Variants in FANCI observed in about 807,000 individuals in gnomAD.
FANCI encodes the protein Fanconi anemia group I protein.
FANCI carries 156 observed loss-of-function variants against 176.1 expected under a neutral mutation model. The observed-to-expected ratio is 0.89, with a 90% CI of 0.78 to 1.01. The LOEUF is 1.01. Among genes scored for constraint, FANCI ranks in the 50% least tolerant of loss-of-function variants. FANCI has a pLI of 0.00. For missense variants in FANCI, 1,678 were observed against 1,534.1 expected, an observed-to-expected ratio of 1.09 and a Z score of -1.57; for synonymous variants, 613 against 541.7, an observed-to-expected ratio of 1.13 and a Z score of -1.83.
chr15:89,270,139 TTTAAAAC>T (rs1394283207), intron 10 of FANCI, among the ~76,000 whole-genome samples: 1 of 152,136 alleles, frequency 6.6e-6, no homozygotes, highest in Non-Finnish European at 1.5e-5. Flanking sequence ...CCCCCAACCA[TTTAAAAC>T]CATAAAAACC....
intron 4 of FANCI, among the ~76,000 whole-genome samples, chr15:89,261,142 A>G (rs1345073587): frequency 6.6e-6 from 1 of 152,050 alleles, no homozygotes; most frequent in African/African-American, 2.4e-5. Context: ...CTCGTGGCGC[A>G]TGTCAGTGGT....
intron 18 of FANCI, among the ~76,000 whole-genome samples, chr15:89,288,963 G>C (rs1596299000): frequency 6.6e-6 from 1 of 151,414 alleles, no homozygotes; most frequent in South Asian, 2.1e-4. Context: ...TATTTTATCT[G>C]TAGAAAGTCC....
At chr15:89,297,057 G>A (rs1268186509) in intron 24 of FANCI, among the ~76,000 whole-genome samples, 9 of 149,580 alleles carry the variant, frequency 6.0e-5, no homozygotes, top group Non-Finnish European at 1.0e-4. Context: ...GCTGCCGGGT[G>A]GAGACGCTCC....
At position 89,309,101 on chromosome 15, in the gene FANCI, A is replaced by G. The variant is rs114996452; in HGVS notation, c.3651+1429A>G. Among the ~76,000 whole-genome samples, 893 of 152,226 alleles carry G rather than the reference A, an allele frequency of 5.9e-3. 2 individuals carry two copies. Among genetic ancestry groups the G allele is most frequent in the African/African-American group, 0.02 (836 of 41,544 alleles). On this transcript the variant is annotated intron_variant, in intron 34 of 37. Transcript: ENST00000310775. ...GTCAGGAATGCATCATCCATTTTCT[A>G]TATCCAGCCATCCAGCCAGTAGTCA... is the stretch of plus-strand genomic sequence containing the variant.
chr15:89,297,285 C>T (rs1475138169), intron 24 of FANCI, among the ~76,000 whole-genome samples: 3 of 149,796 alleles, frequency 2.0e-5, no homozygotes, highest in South Asian at 2.1e-4. Context: ...GGATGGCGGC[C>T]GGGAAGAGGC....
At position 89,260,858 on chromosome 15, in the gene FANCI, A is replaced by AGT. The variant is rs770691019; in HGVS notation, c.288+15_288+16insGT. 8 of 1,612,656 alleles carry AGT rather than the reference A, an allele frequency of 5.0e-6. No individual in the cohort carries two copies. The East Asian group carries it at 1.8e-4, about 36-fold the overall frequency. On this transcript the variant is annotated intron_variant, in intron 4 of 37. Transcript: ENST00000310775. ...TGATGCTGGAGGTAAGATGGCAAAC[A>AGT]AAAACTTTTATTTGGGGGTAGGTTT...
chr15:89,305,936 T>A (rs983787523), intron 31 of FANCI, 71 bp from the exon 32 acceptor site: 67 of 1,516,554 alleles, frequency 4.4e-5, no homozygotes, highest in Non-Finnish European at 5.8e-5. Context: ...AGTAATCAAT[T>A]TCTAAATCTC....
At chr15:89,311,646 G>C (rs926686694) in intron 34 of FANCI, among the ~76,000 whole-genome samples, 1 of 152,158 alleles carries the variant, frequency 6.6e-6, no homozygotes, top group African/African-American at 2.4e-5. Flanking sequence ...CTGCCTTCCA[G>C]GGCCAAAAAC....
chr15:89,251,501 GA>G (rs1376155316), intron 2 of FANCI, among the ~76,000 whole-genome samples: 2 of 152,124 alleles, frequency 1.3e-5, no homozygotes, highest in Non-Finnish European at 2.9e-5. Flanking sequence ...ATATAACATT[GA>G]TTTTTTTATG....
chr15:89,262,110 C>T (rs2052736516), intron 6 of FANCI, among the ~76,000 whole-genome samples: 1 of 152,138 alleles, frequency 6.6e-6, no homozygotes, highest in Admixed American at 6.6e-5. Flanking sequence ...TATCTTCTTA[C>T]AGCAATTTAG....
rs199841511 is a variant in FANCI at position 89,261,926 on chromosome 15, A to G, written c.503+48A>G. ...ACTTTCTTAGGAATACAAGTGGCGG[A>G]AAAAAAACCACTTTATTTCAGGAAT... On this transcript the variant is annotated intron_variant, in intron 6 of 37. Transcript: ENST00000310775. 55 of 1,557,542 alleles carry G rather than the reference A, an allele frequency of 3.5e-5. No homozygotes were observed. In the African/African-American group the frequency reaches 4.0e-4, roughly 11 times the overall value.
intron 1 of FANCI, among the ~76,000 whole-genome samples, chr15:89,247,169 C>T (rs1249893438): frequency 6.6e-6 from 1 of 151,690 alleles, no homozygotes; most frequent in Admixed American, 6.6e-5. Context: ...CTCTTGGGCT[C>T]CCCTTCTCAC....
At position 89,312,978 on chromosome 15, in the gene FANCI, C is replaced by T; in HGVS notation, c.3720+6C>T. 3 of 1,613,556 alleles carry T rather than the reference C, an allele frequency of 1.9e-6. No homozygotes were observed. The highest frequency in any genetic ancestry group is 2.5e-6 in the Non-Finnish European group (3 of 1,179,624). ...CTGCCGTTGCCACAGCCATGGTAAGCTGCTGACACTGACCGTTAAAATATG... is the reference window on the plus strand; with the variant it reads ...CTGCCGTTGCCACAGCCATGGTAAGTTGCTGACACTGACCGTTAAAATATG... On this transcript the variant is annotated splice_donor_region_variant and intron_variant, in intron 35 of 37. Transcript: ENST00000310775.
intron 35 of FANCI, among the ~76,000 whole-genome samples, chr15:89,313,898 A>C (rs1293521472): frequency 1.6e-5 from 2 of 122,786 alleles, no homozygotes; most frequent in East Asian, 5.1e-4. Context: ...ATGGGTTAAA[A>C]ATACACACAC....
rs1456831506 is a variant in FANCI at position 89,285,445 on chromosome 15, C to T, written c.1821+227C>T. On this transcript the variant is annotated intron_variant, in intron 18 of 37. Transcript: ENST00000310775. ...CAAGGCAGGAGGATCAAGCAAGACTCTGTCTTTACAAAAAATAAGAAAATA... is the reference window on the plus strand; with the variant it reads ...CAAGGCAGGAGGATCAAGCAAGACTTTGTCTTTACAAAAAATAAGAAAATA... Among the ~76,000 whole-genome samples the T allele has an allele frequency of 2.0e-5, 3 of 152,100 alleles. No homozygotes were observed. The East Asian group carries it at 5.8e-4, about 29-fold the overall frequency.
At position 89,296,687 on chromosome 15, in the gene FANCI, C is replaced by T. The variant is rs530540274; in HGVS notation, c.2636+1593C>T. ...CACAAAACCGCCATTGTCATCGTGGCCCGTTCTCAATGAGCTGTTGGGTAC... is the reference window on the plus strand; with the variant it reads ...CACAAAACCGCCATTGTCATCGTGGTCCGTTCTCAATGAGCTGTTGGGTAC... On this transcript the variant is annotated intron_variant, in intron 24 of 37. Coordinates refer to ENST00000310775, the MANE Select transcript of FANCI (RefSeq NM_001113378.2). 2.0e-5 allele frequency among the ~76,000 whole-genome samples: 3 copies of T among 152,336 alleles called. No homozygotes were observed. In the East Asian group the frequency reaches 5.8e-4, roughly 30 times the overall value.
intron 7 of FANCI, 86 bp downstream of exon 7, chr15:89,263,546 C>A: frequency 8.9e-7 from 1 of 1,117,646 alleles, no homozygotes; most frequent in Non-Finnish European, 1.4e-6. Flanking sequence ...ACGTAAACAT[C>A]ACTCTCTCCT....
intron 16 of FANCI, 170 bp downstream of exon 16, chr15:89,282,005 T>C: frequency 1.6e-6 from 1 of 639,038 alleles, no homozygotes; most frequent in Non-Finnish European, 2.8e-6. Context: ...ATGTGCTTTT[T>C]TCATTTAGTC....
intron 18 of FANCI, among the ~76,000 whole-genome samples, chr15:89,288,365 C>G (rs1339392092): frequency 6.6e-6 from 1 of 151,950 alleles, no homozygotes; most frequent in African/African-American, 2.4e-5. Context: ...TTATTTAGCT[C>G]TAAAGTAAAA....
Sources: allele counts gnomAD v4.1 joint callset (sites outside exome capture counted in the v4.1 genomes callset), GRCh38; gene constraint gnomAD v4.1.1; transcripts MANE v1.5; gene names NCBI Gene and HGNC (gene_info 2026-07-23, HGNC 2026-07-21).